GRIK3: variants seen among roughly 807,000 people sequenced by gnomAD.
GRIK3 encodes the protein glutamate ionotropic receptor kainate type subunit 3.
In GRIK3, 29 loss-of-function variants were observed where a neutral mutation model predicts 102.5. That is an observed-to-expected ratio of 0.28 (90% CI 0.21 to 0.39). The LOEUF (loss-of-function observed/expected upper bound fraction) is 0.39, where lower values mean the gene tolerates loss of function less well. Ranked by LOEUF, GRIK3 falls within the 10% of genes least tolerant of loss-of-function variation. The probability of loss-of-function intolerance (pLI) is 1.00; values close to 1 mark genes in which losing one functional copy is unlikely to be tolerated. For missense variants in GRIK3, 908 were observed against 1,252.4 expected (o/e 0.73, Z 4.15); for synonymous variants, 511 against 504.9 (o/e 1.01, Z -0.16).
intron 1 of GRIK3, among the ~76,000 whole-genome samples, chr1:36,952,007 C>T (rs961664272): frequency 6.6e-6 from 1 of 152,164 alleles, no homozygotes; most frequent in Non-Finnish European, 1.5e-5. Context: ...TGCCAGTCAG[C>T]CACCTCAGCC....
intron 1 of GRIK3, among the ~76,000 whole-genome samples, chr1:36,968,439 G>A (rs1642103473): frequency 6.6e-6 from 1 of 152,180 alleles, no homozygotes; most frequent in African/African-American, 2.4e-5. Context: ...CATTGTTAAG[G>A]AGGTTGACTG....
chr1:36,828,073 G>GAAAA lies in GRIK3; in HGVS notation c.1531-2251_1531-2248dup, dbSNP rs34670494. Among the ~76,000 whole-genome samples, 1,015 of 125,742 alleles carry GAAAA rather than the reference G, an allele frequency of 8.1e-3. 13 individuals carry two copies. Among genetic ancestry groups the GAAAA allele is most frequent in the African/African-American group, 0.026 (922 of 35,158 alleles). 82.5% of individuals were successfully genotyped at this position (125,742 alleles called of 152,430 possible). ...TTCAGGGTATATACAAAAGAAAGCA[G>GAAAA]AAAAAAAAAAAAAAACTCTCAGGGA... is the stretch of plus-strand genomic sequence containing the variant. On this transcript the variant is annotated intron_variant, in intron 10 of 15. Transcript: ENST00000373091.
intron 1 of GRIK3, among the ~76,000 whole-genome samples, chr1:37,017,369 TAAAAAAAAAAAAAAA>T (rs774819790): frequency 4.1e-5 from 2 of 48,534 alleles, no homozygotes; most frequent in African/African-American, 1.0e-4. Context: ...CCCTGTCTCT[TAAAAAAAAAAAAAAA>T]AAAAAAAAAA....
intron 1 of GRIK3, among the ~76,000 whole-genome samples, chr1:36,902,298 A>G (rs914454593): frequency 6.6e-6 from 1 of 151,602 alleles, no homozygotes; most frequent in African/African-American, 2.4e-5. Context: ...GAAGAACAAC[A>G]TTGGGAGATC....
At chr1:36,826,934 AG>A (rs1215091024) in intron 10 of GRIK3, among the ~76,000 whole-genome samples, 1 of 152,084 alleles carries the variant, frequency 6.6e-6, no homozygotes, top group Non-Finnish European at 1.5e-5. Context: ...CTCCCCCATG[AG>A]GCCCCAATGA....
At chr1:36,862,663 C>T (rs977405581) in intron 5 of GRIK3, among the ~76,000 whole-genome samples, 6 of 152,154 alleles carry the variant, frequency 3.9e-5, no homozygotes, top group Non-Finnish European at 7.4e-5. Context: ...TCAGCTCCTC[C>T]AGGGCGGCTC....
intron 1 of GRIK3, among the ~76,000 whole-genome samples, chr1:36,972,909 G>A (rs1014324129): frequency 2.0e-5 from 3 of 152,152 alleles, no homozygotes; most frequent in African/African-American, 7.2e-5. Context: ...TTGACACTCA[G>A]GGAAAGCACA....
intron 1 of GRIK3, among the ~76,000 whole-genome samples, chr1:36,902,267 A>G (rs1173754287): frequency 6.6e-6 from 1 of 152,242 alleles, no homozygotes; most frequent in Non-Finnish European, 1.5e-5. Flanking sequence ...AGACCAGAAT[A>G]ATCAACACAA....
At chr1:36,867,388 T>C (rs1361431210) in intron 5 of GRIK3, among the ~76,000 whole-genome samples, 3 of 152,126 alleles carry the variant, frequency 2.0e-5, no homozygotes, top group Non-Finnish European at 4.4e-5. Context: ...ATAGAATGTC[T>C]AGCATCCCTG....
chr1:36,938,470 C>A (rs1641684240), intron 1 of GRIK3, among the ~76,000 whole-genome samples: 1 of 152,156 alleles, frequency 6.6e-6, no homozygotes, highest in Non-Finnish European at 1.5e-5. Context: ...TAGTGTCAGT[C>A]AGAAATGCCG....
chr1:36,980,324 G>C (rs1642236501), intron 1 of GRIK3, among the ~76,000 whole-genome samples: 1 of 151,984 alleles, frequency 6.6e-6, no homozygotes, highest in Non-Finnish European at 1.5e-5. Context: ...CACTTCCCGT[G>C]CTCTGCCCCT....
At position 36,819,333 on chromosome 1, in the gene GRIK3, C is replaced by T. The variant is rs1243084048; in HGVS notation, c.1873+403G>A. 6.6e-6 allele frequency among the ~76,000 whole-genome samples: 1 copy of T among 152,176 alleles called. No homozygotes were observed. Among genetic ancestry groups the T allele is most frequent in the East Asian group, 1.9e-4 (1 of 5,188 alleles). On this transcript the variant is annotated intron_variant, in intron 12 of 15. Transcript: ENST00000373091. The surrounding 1 kb of genome is among the most constrained non-coding windows in gnomAD (Gnocchi z 4.1). ...TCACCTCATTCCTGCAGTGGCCTCC[C>T]ACCCAGACTCCCTGCCTCTGGTCTC...
rs56296966 is a variant in GRIK3, at chr1:37,014,933, GTCTCTCTCTC to G, written c.115+19051_115+19060del. 1.7e-4 allele frequency among the ~76,000 whole-genome samples: 24 copies of G among 139,804 alleles called. No homozygotes were observed. The East Asian group carries it at 2.5e-3, about 15-fold the overall frequency. The allele number at this position is 139,804 out of a possible 152,430, so 91.7% of individuals were successfully genotyped here. A position where few individuals can be genotyped will look rare whatever the true frequency, so the allele number is the denominator to read the frequency against. ...TTTCTCTCTCTCTCTCTCTGTTTTT[GTCTCTCTCTC>G]TCTCTCTCTCTCTCTCTCTGTATCT... On this transcript the variant is annotated intron_variant, in intron 1 of 15. Transcript: ENST00000373091.
At position 36,861,688 on chromosome 1, in the gene GRIK3, C is replaced by T. The variant is rs940832108; in HGVS notation, c.787-1671G>A. Among the ~76,000 whole-genome samples, 16 of 152,334 alleles carry T rather than the reference C, an allele frequency of 1.1e-4. No individual in the cohort carries two copies. The East Asian group carries it at 2.3e-3, about 22-fold the overall frequency. ...TGTTCCTCCTGCATCCCCAAAGTGGCCTCCTTCTGGAATGCACTGTGTTGG... is the reference window on the plus strand; with the variant it reads ...TGTTCCTCCTGCATCCCCAAAGTGGTCTCCTTCTGGAATGCACTGTGTTGG... On this transcript the variant is annotated intron_variant, in intron 5 of 15. Transcript: ENST00000373091.
At chr1:36,892,832 A>T (rs529421374) in intron 1 of GRIK3, among the ~76,000 whole-genome samples, 1 of 152,360 alleles carries the variant, frequency 6.6e-6, no homozygotes, top group East Asian at 1.9e-4. Context: ...ATATGAAAAC[A>T]CAGATAGATC....
At chr1:36,882,384 C>A (rs1640990616) in intron 2 of GRIK3, among the ~76,000 whole-genome samples, 1 of 152,116 alleles carries the variant, frequency 6.6e-6, no homozygotes, top group Admixed American at 6.6e-5. Flanking sequence ...AATGAGCAGA[C>A]CCAGGGCAGC....
chr1:36,817,118 T>C lies in GRIK3; in HGVS notation c.2033A>G (p.Lys678Arg). The C allele has an allele frequency of 2.5e-6, 4 of 1,614,176 alleles. No individual in the cohort carries two copies. The highest frequency in any genetic ancestry group is 3.4e-6 in the Non-Finnish European group (4 of 1,180,034). ...AGCCCCATACTCGATTTTGGTTTGC[T>C]TGGCCAGGTCATCAGCAGAGTCAAT... ...SPIDSADDLA[K>R]QTKIEYGAVK... Residue 678 changes from lysine to arginine, a missense_variant, in exon 13 of 16, where the codon AAG becomes AGG. Lys to Arg is a conservative substitution (Grantham distance 26, BLOSUM62 2). Around this residue, in one of 3 missense-constraint regions of GRIK3, gnomAD observed 297 missense variants for 362.7 expected, o/e 0.82. Transcript: ENST00000373091.
intron 1 of GRIK3, among the ~76,000 whole-genome samples, chr1:36,990,296 G>GAGC (rs1193931341): frequency 6.6e-6 from 1 of 152,178 alleles, no homozygotes; most frequent in Non-Finnish European, 1.5e-5. Flanking sequence ...CCATCCTGCT[G>GAGC]TATCCGCTGA....
rs1642427847 is a variant in GRIK3 at position 36,800,382 on chromosome 1, T to C, written c.*1469A>G. ...TTGTTCCTAATCCTTCATGTCTCAT[T>C]CTTTTCCAAGACTCTTAAAGTCACA... is the stretch of plus-strand genomic sequence containing the variant. On this transcript the variant is annotated 3_prime_UTR_variant, in exon 16 of 16. Transcript: ENST00000373091. The C allele has an allele frequency of 6.6e-6, 1 of 152,224 alleles. No individual in the cohort carries two copies. Among genetic ancestry groups the C allele is most frequent in the African/African-American group, 2.4e-5 (1 of 41,454 alleles). The allele number at this position is 152,224 out of a possible 1,614,324, so 9.4% of individuals were successfully genotyped here. A position where few individuals can be genotyped will look rare whatever the true frequency, so the allele number is the denominator to read the frequency against.
Sources: gnomAD v4.1 joint callset for allele counts (sites outside exome capture counted in the v4.1 genomes callset) on GRCh38, gnomAD v4.1.1 for gene constraint, gnomAD v4.1.1 regional missense constraint, Gnocchi (gnomAD v3.1) non-coding constraint, MANE v1.5 for transcripts, NCBI Gene and HGNC (gene_info 2026-07-23, HGNC 2026-07-21) for gene names.